Variants in SNX19 observed in about 807,000 individuals in gnomAD.
SNX19 encodes the protein sorting nexin 19.
Under a neutral mutation model 85.2 loss-of-function variants are expected in SNX19, and 60 were observed. That is an observed-to-expected ratio of 0.70 (90% CI 0.57 to 0.87). The LOEUF is 0.87. Ranked by LOEUF, SNX19 falls within the 40% of genes least tolerant of loss-of-function variation. The pLI is 0.00. For missense variants in SNX19, 1,201 were observed against 1,217.8 expected, an observed-to-expected ratio of 0.99 and a Z score of 0.21; for synonymous variants, 520 against 470.0, an observed-to-expected ratio of 1.11 and a Z score of -1.38.
intron 8 of SNX19, among the ~76,000 whole-genome samples, chr11:130,897,409 CTTTT>C (rs1944950260): frequency 6.6e-6 from 1 of 152,056 alleles, no homozygotes; most frequent in African/African-American, 2.4e-5. Context: ...CACACACTCC[CTTTT>C]TAACTGAGAA....
Position 130,879,660 on chromosome 11 carries a change from A to C in SNX19, c.2810T>G (p.Leu937Arg), listed in dbSNP as rs774160457. ...GGGTTGTTGTAGTGACTCCAGGACTAGACCCCAGCTCAGCCGGCATTTGTT... is the reference window on the plus strand; with the variant it reads ...GGGTTGTTGTAGTGACTCCAGGACTCGACCCCAGCTCAGCCGGCATTTGTT... ...GVNKCRLSWGLVLESLQQPLI... is the reference protein window; with the variant it reads ...GVNKCRLSWGRVLESLQQPLI... The change falls in exon 10 of 11, where the codon CTA (leucine) becomes CGA (arginine). Residue 937 changes from leucine to arginine, a missense_variant. Leu to Arg is a moderately radical substitution (Grantham distance 102, BLOSUM62 -2). Transcript: ENST00000265909. 7 of 1,613,862 alleles carry C rather than the reference A, an allele frequency of 4.3e-6. No individual in the cohort carries two copies. In the East Asian group the frequency reaches 1.6e-4, roughly 36 times the overall value.
intron 1 of SNX19, among the ~76,000 whole-genome samples, chr11:130,912,631 G>C (rs981622978): frequency 6.6e-6 from 1 of 152,184 alleles, no homozygotes; most frequent in Non-Finnish European, 1.5e-5. Context: ...CTACCTCCTC[G>C]TTGGTGGGAG....
At chr11:130,885,500 A>G (rs1225543008) in intron 8 of SNX19, among the ~76,000 whole-genome samples, 1 of 152,238 alleles carries the variant, frequency 6.6e-6, no homozygotes, top group East Asian at 1.9e-4. Flanking sequence ...GTCTAATCCA[A>G]TTAGCCAAAT....
Position 130,874,812 on chromosome 11 carries a change from A to G in SNX19, c.*3610T>C, listed in dbSNP as rs1000647487. Among the ~76,000 whole-genome samples, 2 of 152,254 alleles carry G rather than the reference A, an allele frequency of 1.3e-5. No individual in the cohort carries two copies. Among genetic ancestry groups the G allele is most frequent in the African/African-American group, 4.8e-5 (2 of 41,470 alleles). On this transcript the variant is annotated 3_prime_UTR_variant, in exon 11 of 11. Coordinates refer to ENST00000265909, the MANE Select transcript of SNX19 (RefSeq NM_014758.3). ...GCTATGCAAATCAAAACCATGAGAT[A>G]GTAATATCACCTAATACCTTTTAAG...
At chr11:130,891,906 T>C (rs1412576467) in intron 8 of SNX19, among the ~76,000 whole-genome samples, 1 of 150,138 alleles carries the variant, frequency 6.7e-6, no homozygotes, top group Non-Finnish European at 1.5e-5. Context: ...AGTGGTGCAA[T>C]CTCGGCTCAC....
At chr11:130,881,751 A>G (rs1943694408) in intron 8 of SNX19, among the ~76,000 whole-genome samples, 1 of 152,148 alleles carries the variant, frequency 6.6e-6, no homozygotes, top group Non-Finnish European at 1.5e-5. Context: ...TACTTCCTCC[A>G]TGAAATCCTT....
chr11:130,891,320 A>C (rs1944479384), intron 8 of SNX19, among the ~76,000 whole-genome samples: 2 of 152,030 alleles, frequency 1.3e-5, no homozygotes, highest in African/African-American at 4.8e-5. Flanking sequence ...GTCTAGAACT[A>C]AGAATAATCC....
rs114617126 is a variant in SNX19, at chr11:130,885,933, C to T, written c.2574-5127G>A. On this transcript the variant is annotated intron_variant, in intron 8 of 10. Transcript: ENST00000265909. Reference sequence around the variant, plus strand: ...TTGGTACTACTGATATTTTGGACTGCGAAATCTTTGTCATAGGGGCTTTCC... The same window carrying T: ...TTGGTACTACTGATATTTTGGACTGTGAAATCTTTGTCATAGGGGCTTTCC... 7.8e-3 allele frequency among the ~76,000 whole-genome samples: 1,186 copies of T among 152,264 alleles called. 16 individuals carry two copies. The highest frequency in any genetic ancestry group is 0.027 in the African/African-American group (1,133 of 41,558).
chr11:130,893,993 C>T (rs1944687898), intron 8 of SNX19: 1 of 574,218 alleles, frequency 1.7e-6, no homozygotes, highest in African/African-American at 1.9e-5. Context: ...GTTGCTTCTC[C>T]AAAACCAAGT....
chr11:130,897,389 G>A (rs1004537203), intron 8 of SNX19, among the ~76,000 whole-genome samples: 5 of 149,430 alleles, frequency 3.3e-5, no homozygotes, highest in African/African-American at 1.0e-4. Context: ...CACACACACA[G>A]ACACACACAC....
rs769972408 is a variant in SNX19, at chr11:130,914,379, G to A, written c.1561C>T (p.Leu521=). 6.2e-7 allele frequency: 1 copy of A among 1,613,924 alleles called. No individual in the cohort carries two copies. The highest frequency in any genetic ancestry group is 1.1e-5 in the South Asian group (1 of 91,066). ...ATAACTGGACCATCGGGACTGCTTA[G>A]GGGCTCAAAGCTGAAGGTGGCTGAG... ...LSSATFSFEP[L]SSPDGPVIIQ... The change falls in exon 1 of 11, where the codon CTA becomes TTA. Residue 521 remains leucine, a synonymous_variant. Coordinates refer to ENST00000265909, the MANE Select transcript of SNX19 (RefSeq NM_014758.3).
rs957596889 is a variant in SNX19, at chr11:130,874,632, A to G, written c.*3790T>C. Among the ~76,000 whole-genome samples, 1 of 152,222 alleles carries G rather than the reference A, an allele frequency of 6.6e-6. No individual in the cohort carries two copies. Among genetic ancestry groups the G allele is most frequent in the Non-Finnish European group, 1.5e-5 (1 of 68,040 alleles). On this transcript the variant is annotated 3_prime_UTR_variant, in exon 11 of 11. Transcript: ENST00000265909. ...TCCTCATAATTTAATTCTTGTCCAG[A>G]GCATCCTGATTCATATAGCCAGGGA...
At chr11:130,913,215 C>T (rs1946280076) in intron 1 of SNX19, among the ~76,000 whole-genome samples, 2 of 151,986 alleles carry the variant, frequency 1.3e-5, no homozygotes, top group Admixed American at 6.6e-5. Flanking sequence ...AACCAGAAGC[C>T]AACACTTAAA....
At position 130,914,365 on chromosome 11, in the gene SNX19, A is replaced by G; in HGVS notation, c.1575T>C (p.Asp525=). The change falls in exon 1 of 11, where the codon GAT becomes GAC. Residue 525 remains aspartate (D), a synonymous_variant. Transcript: ENST00000265909. ...TFSFEPLSSP[D]GPVIIQNLRI... Reference sequence around the variant, plus strand: ...GAAGGTTCTGGATGATAACTGGACCATCGGGACTGCTTAGGGGCTCAAAGC... The same window carrying G: ...GAAGGTTCTGGATGATAACTGGACCGTCGGGACTGCTTAGGGGCTCAAAGC... The G allele has an allele frequency of 1.2e-6, 2 of 1,613,906 alleles. No individual in the cohort carries two copies. Among genetic ancestry groups the G allele is most frequent in the Non-Finnish European group, 1.7e-6 (2 of 1,179,862 alleles).
At position 130,905,960 on chromosome 11, in the gene SNX19, G is replaced by C. The variant is rs538029670; in HGVS notation, c.2436C>G (p.Ser812Arg). Residue 812 changes from serine to arginine, a missense_variant, in exon 7 of 11, where the codon AGC becomes AGG. Around this residue, in one of 3 missense-constraint regions of SNX19, gnomAD observed 285 missense variants for 295.3 expected, o/e 0.97. Transcript: ENST00000265909. ...AAVPAQDPSN[S>R]DPGTETELAD... ...AGAGACCTCGCCACTCACCTGGATC[G>C]CTGTTGCTGGGGTCTTGGGCTGGCA... 2 of 1,614,078 alleles carry C rather than the reference G, an allele frequency of 1.2e-6. No individual in the cohort carries two copies. Among genetic ancestry groups the C allele is most frequent in the East Asian group, 2.2e-5 (1 of 44,894 alleles).
intron 8 of SNX19, among the ~76,000 whole-genome samples, chr11:130,888,628 CTGCTT>C (rs1419996031): frequency 1.3e-5 from 2 of 152,186 alleles, no homozygotes; most frequent in Non-Finnish European, 2.9e-5. Context: ...ATTTCGTCAT[CTGCTT>C]CAGAAATTTC....
chr11:130,903,609 A>G (rs924925489), intron 7 of SNX19, among the ~76,000 whole-genome samples: 3 of 151,656 alleles, frequency 2.0e-5, no homozygotes, highest in African/African-American at 7.3e-5. Context: ...TGATATTGTA[A>G]CCTAATAAAT....
At chr11:130,885,000 A>G (rs2095463194) in intron 8 of SNX19, among the ~76,000 whole-genome samples, 1 of 152,190 alleles carries the variant, frequency 6.6e-6, no homozygotes, top group Admixed American at 6.5e-5. Context: ...AGCCTCAGAT[A>G]GCACTGGTTT....
chr11:130,893,243 TC>T (rs1944621913), intron 8 of SNX19, among the ~76,000 whole-genome samples: 3 of 152,110 alleles, frequency 2.0e-5, no homozygotes, highest in Admixed American at 6.5e-5. Flanking sequence ...CCTCCAAATT[TC>T]TGCAAATATT....
Sources: gnomAD v4.1 joint callset for allele counts (sites outside exome capture counted in the v4.1 genomes callset) on GRCh38, gnomAD v4.1.1 for gene constraint, gnomAD v4.1.1 regional missense constraint, MANE v1.5 for transcripts, NCBI Gene and HGNC (gene_info 2026-07-23, HGNC 2026-07-21) for gene names.